GULP1: variants seen among roughly 807,000 people sequenced by gnomAD.
GULP1 encodes PTB domain-containing engulfment adapter protein 1.
A neutral mutation model predicts 40.9 loss-of-function variants in GULP1; 19 were observed. The ratio of observed to expected loss-of-function variants is 0.46; its 90% confidence interval spans 0.32 to 0.68. The LOEUF (loss-of-function observed/expected upper bound fraction) is 0.68, where lower values mean the gene tolerates loss of function less well. GULP1 is among the 30% of genes least tolerant of loss of function. GULP1 has a pLI of 0.03. For synonymous variants in GULP1, 119 were observed against 117.6 expected (o/e 1.01, Z -0.08); for missense variants, 312 against 362.2 (o/e 0.86, Z 1.12).
intron 1 of GULP1, among the ~76,000 whole-genome samples, chr2:188,358,664 A>G (rs2045688042): frequency 6.6e-6 from 1 of 152,140 alleles, no homozygotes; most frequent in Admixed American, 6.6e-5. Context: ...AGTATAAAGG[A>G]CTAATTTTTC....
intron 1 of GULP1, among the ~76,000 whole-genome samples, chr2:188,341,585 C>T (rs369680898): frequency 7.2e-5 from 11 of 151,970 alleles, no homozygotes; most frequent in East Asian, 5.8e-4. Flanking sequence ...CTGGCTTCTC[C>T]GAGAGTCTCA....
rs1206715280 is a variant in GULP1, at chr2:188,348,534, GTATAAGGAGGA to G, written c.-171-35228_-171-35218del. ...ACCAATTCCTCTCCCATGAAGATGG[GTATAAGGAGGA>G]AGTGTTAGATAAAAGCATAGTCTTG... On this transcript the variant is annotated intron_variant, in intron 1 of 11. Coordinates refer to ENST00000409830, the MANE Select transcript of GULP1 (RefSeq NM_016315.4). Among the ~76,000 whole-genome samples the G allele has an allele frequency of 6.3e-4, 96 of 152,176 alleles. 1 individual carries two copies. The highest frequency in any genetic ancestry group is 2.7e-3 in the Admixed American group (41 of 15,280).
chr2:188,337,126 CTA>C (rs1320187728), intron 1 of GULP1, among the ~76,000 whole-genome samples: 4 of 141,632 alleles, frequency 2.8e-5, no homozygotes, highest in Admixed American at 7.4e-5. Flanking sequence ...ATATCTATAT[CTA>C]TATCTATATC....
chr2:188,548,144 A>G (rs1692469745), intron 7 of GULP1, among the ~76,000 whole-genome samples: 1 of 152,100 alleles, frequency 6.6e-6, no homozygotes, highest in South Asian at 2.1e-4. Context: ...AAGACAAAAA[A>G]GCATATAATA....
chr2:188,319,276 CAGAG>C (rs151195378), intron 1 of GULP1, among the ~76,000 whole-genome samples: 22,991 of 152,034 alleles, frequency 0.15, 1,875 homozygotes, highest in African/African-American at 0.17. Flanking sequence ...AAACACAAGA[CAGAG>C]AGAGCAAAAT....
chr2:188,577,215 AT>A (rs1459524526), intron 9 of GULP1, among the ~76,000 whole-genome samples: 1 of 152,096 alleles, frequency 6.6e-6, no homozygotes, highest in Non-Finnish European at 1.5e-5. Context: ...GTTAGATAAA[AT>A]TATTTCTTTA....
chr2:188,328,378 T>C (rs1301925253), intron 1 of GULP1, among the ~76,000 whole-genome samples: 4 of 151,604 alleles, frequency 2.6e-5, no homozygotes, highest in Non-Finnish European at 4.4e-5. Flanking sequence ...AAACTGGGAG[T>C]GGATGGGGAA....
intron 4 of GULP1, among the ~76,000 whole-genome samples, chr2:188,517,776 AGTATCCTGG>A (rs1305062286): frequency 6.6e-6 from 1 of 151,976 alleles, no homozygotes; most frequent in African/African-American, 2.4e-5. Context: ...ATTAGCAGCT[AGTATCCTGG>A]GAGCCAGGCT....
rs568176748 is a variant in GULP1 at position 188,525,035 on chromosome 2, G to T, written c.162+2208G>T. 1.3e-4 allele frequency among the ~76,000 whole-genome samples: 19 copies of T among 151,896 alleles called. No individual in the cohort carries two copies. The South Asian group carries it at 3.9e-3, about 32-fold the overall frequency. ...TTTTCATGCTTCTGTGTTTAATGAT[G>T]CCTGCTTAGTTTTCAAAAAAATTTA... On this transcript the variant is annotated intron_variant, in intron 5 of 11. Coordinates refer to ENST00000409830, the MANE Select transcript of GULP1 (RefSeq NM_016315.4).
At chr2:188,397,455 T>C (rs535017808) in intron 2 of GULP1, among the ~76,000 whole-genome samples, 1 of 152,312 alleles carries the variant, frequency 6.6e-6, no homozygotes, top group East Asian at 1.9e-4. Context: ...GAGGACTGGG[T>C]CATTATTTAT....
intron 4 of GULP1, among the ~76,000 whole-genome samples, chr2:188,493,616 A>C (rs1202962205): frequency 6.6e-6 from 1 of 152,070 alleles, no homozygotes; most frequent in African/African-American, 2.4e-5. Flanking sequence ...AAAGACTTTA[A>C]TATAACATAA....
intron 5 of GULP1, among the ~76,000 whole-genome samples, chr2:188,524,484 C>G (rs745306857): frequency 6.6e-6 from 1 of 151,824 alleles, no homozygotes; most frequent in Non-Finnish European, 1.5e-5. Flanking sequence ...ATTTAATAAG[C>G]AATTTTACTG....
intron 2 of GULP1, among the ~76,000 whole-genome samples, chr2:188,450,483 TTAAG>T (rs1479199181): frequency 2.0e-5 from 3 of 152,150 alleles, no homozygotes; most frequent in Non-Finnish European, 4.4e-5. Flanking sequence ...GTGCACATTT[TTAAG>T]TGACTTCTTC....
At chr2:188,574,530 G>A (rs573412339) in intron 9 of GULP1, among the ~76,000 whole-genome samples, 15 of 152,152 alleles carry the variant, frequency 9.9e-5, no homozygotes, top group Non-Finnish European at 2.2e-4. Context: ...AGGTTGAGGT[G>A]GAAAGATTGC....
At chr2:188,493,359 C>G (rs1008517003) in intron 4 of GULP1, among the ~76,000 whole-genome samples, 2 of 151,978 alleles carry the variant, frequency 1.3e-5, no homozygotes, top group African/African-American at 4.8e-5. Context: ...TTCTTCGATG[C>G]CTGAGACTTC....
chr2:188,315,815 T>G (rs1158159974), intron 1 of GULP1, among the ~76,000 whole-genome samples: 4 of 152,032 alleles, frequency 2.6e-5, no homozygotes, highest in African/African-American at 9.7e-5. Context: ...ATTATGGTAA[T>G]GTACGGTAAT....
intron 2 of GULP1, among the ~76,000 whole-genome samples, chr2:188,476,385 G>T (rs576450212): frequency 5.5e-4 from 83 of 152,194 alleles, no homozygotes; most frequent in African/African-American, 2.0e-3. Flanking sequence ...GCAATAGTGG[G>T]CAGAGAGTGG....
At chr2:188,508,711 GA>G (rs917402406) in intron 4 of GULP1, among the ~76,000 whole-genome samples, 7 of 151,446 alleles carry the variant, frequency 4.6e-5, no homozygotes, top group African/African-American at 1.5e-4. Flanking sequence ...AAAATAATAA[GA>G]AAAAAAATGG....
At chr2:188,592,617 G>A (rs986387852) in intron 11 of GULP1, 6 of 151,896 alleles carry the variant, frequency 4.0e-5, no homozygotes, top group Admixed American at 3.9e-4. Flanking sequence ...TTGCTATATA[G>A]TAGTAGTCTC....
Sources: gnomAD v4.1 joint callset for allele counts (sites outside exome capture counted in the v4.1 genomes callset) on GRCh38, gnomAD v4.1.1 for gene constraint, MANE v1.5 for transcripts, NCBI Gene and HGNC (gene_info 2026-07-23, HGNC 2026-07-21) for gene names.